The following SYNDIG1 variants were observed in gnomAD, a reference collection of about 807,000 sequenced individuals.
SYNDIG1 encodes synapse differentiation-inducing gene protein 1.
SYNDIG1 carries 9 observed loss-of-function variants against 19.4 expected under a neutral mutation model. The observed-to-expected ratio is 0.46, with a 90% CI of 0.28 to 0.81. SYNDIG1 has a LOEUF of 0.81. SYNDIG1 is among the 30% of genes least tolerant of loss of function. The pLI is 0.12. For missense variants in SYNDIG1, 311 were observed against 343.3 expected (o/e 0.91, Z 0.74); for synonymous variants, 141 against 145.9 (o/e 0.97, Z 0.24).
At chr20:24,483,206 G>A (rs181441635) in intron 1 of SYNDIG1, among the ~76,000 whole-genome samples, 58 of 152,284 alleles carry the variant, frequency 3.8e-4, no homozygotes, top group Non-Finnish European at 1.8e-4. Context: ...GCAGTGTGAC[G>A]CAGCAGGAGT....
chr20:24,554,817 T>A (rs200451737), intron 2 of SYNDIG1, among the ~76,000 whole-genome samples: 91,467 of 149,402 alleles, frequency 0.61, 28,493 homozygotes, highest in African/African-American at 0.72. Flanking sequence ...TGCTGGCCTC[T>A]TAAAATGAGT....
chr20:24,541,274 A>G (rs971458864), intron 1 of SYNDIG1, among the ~76,000 whole-genome samples: 1 of 152,254 alleles, frequency 6.6e-6, no homozygotes, highest in Non-Finnish European at 1.5e-5. Flanking sequence ...TTTATGTAGA[A>G]TATAAAACTT....
At chr20:24,613,072 A>G (rs2058874570) in intron 3 of SYNDIG1, among the ~76,000 whole-genome samples, 1 of 152,186 alleles carries the variant, frequency 6.6e-6, no homozygotes, top group Non-Finnish European at 1.5e-5. Context: ...GTCAGAGCAG[A>G]TCCTCCCAAT....
intron 2 of SYNDIG1, among the ~76,000 whole-genome samples, chr20:24,557,163 C>A (rs1271403366): frequency 6.6e-6 from 1 of 152,210 alleles, no homozygotes; most frequent in East Asian, 1.9e-4. Context: ...CCATCAGCTC[C>A]TTTAAGGACT....
At chr20:24,566,294 C>T (rs955870117) in intron 2 of SYNDIG1, among the ~76,000 whole-genome samples, 6 of 152,124 alleles carry the variant, frequency 3.9e-5, no homozygotes, top group East Asian at 1.9e-4. Context: ...GCCCAGAGCT[C>T]GCACACAGTA....
intron 2 of SYNDIG1, among the ~76,000 whole-genome samples, chr20:24,566,379 C>A (rs1464327666): frequency 6.6e-6 from 1 of 152,100 alleles, no homozygotes; most frequent in African/African-American, 2.4e-5. Context: ...TTTGAAATAT[C>A]TGAAGAAAAT....
chr20:24,634,955 G>A (rs1468305531), intron 3 of SYNDIG1, among the ~76,000 whole-genome samples: 2 of 152,220 alleles, frequency 1.3e-5, no homozygotes, highest in African/African-American at 4.8e-5. Flanking sequence ...GACAGAGCCT[G>A]CACTAGTGTC....
intron 1 of SYNDIG1, among the ~76,000 whole-genome samples, chr20:24,515,636 G>A (rs1212314983): frequency 6.6e-6 from 1 of 151,914 alleles, no homozygotes; most frequent in Non-Finnish European, 1.5e-5. Flanking sequence ...TACAAGGGAT[G>A]TGAAGGACCT....
chr20:24,646,081 C>A lies in SYNDIG1; in HGVS notation c.619-19265C>A, dbSNP rs146285716. Among the ~76,000 whole-genome samples the A allele has an allele frequency of 2.9e-3, 445 of 152,294 alleles. 2 individuals are homozygous for A. Among genetic ancestry groups the A allele is most frequent in the African/African-American group, 0.01 (427 of 41,564 alleles). On this transcript the variant is annotated intron_variant, in intron 3 of 3. Coordinates refer to ENST00000376862, the MANE Select transcript of SYNDIG1 (RefSeq NM_024893.3). ...AGGAAGCCCCCAGTTCACATCTGAG[C>A]CCCTCTTCAGTCAGATTTTATGTCA... is the stretch of plus-strand genomic sequence containing the variant.
chr20:24,489,399 A>G (rs1199993250), intron 1 of SYNDIG1, among the ~76,000 whole-genome samples: 1 of 132,800 alleles, frequency 7.5e-6, no homozygotes, highest in East Asian at 2.0e-4. Flanking sequence ...ATACAGACAC[A>G]TGTGCACACA....
intron 3 of SYNDIG1, among the ~76,000 whole-genome samples, chr20:24,620,206 C>A (rs145550201): frequency 0.025 from 3,734 of 152,318 alleles, 64 homozygotes; most frequent in African/African-American, 0.036. Context: ...CTATTTATTG[C>A]TGCTACCCAT....
chr20:24,651,745 C>T (rs1450922363), intron 3 of SYNDIG1, among the ~76,000 whole-genome samples: 1 of 152,184 alleles, frequency 6.6e-6, no homozygotes, highest in Non-Finnish European at 1.5e-5. Flanking sequence ...CTGAGCCACT[C>T]GTAACCAGTA....
chr20:24,476,486 G>A (rs1449004057), intron 1 of SYNDIG1, among the ~76,000 whole-genome samples: 2 of 151,960 alleles, frequency 1.3e-5, no homozygotes, highest in East Asian at 2.0e-4. Context: ...TGGTTAACAC[G>A]GTGAAACCCC....
intron 2 of SYNDIG1, among the ~76,000 whole-genome samples, chr20:24,550,872 G>A (rs898351602): frequency 2.0e-5 from 3 of 152,128 alleles, no homozygotes; most frequent in Non-Finnish European, 2.9e-5. Flanking sequence ...CCACTTTGTC[G>A]TGGTTTATAA....
At chr20:24,528,125 T>C (rs1452276884) in intron 1 of SYNDIG1, among the ~76,000 whole-genome samples, 1 of 152,232 alleles carries the variant, frequency 6.6e-6, no homozygotes, top group East Asian at 1.9e-4. Flanking sequence ...ATCCTGAATC[T>C]AATTTTGTAA....
chr20:24,485,600 CT>C (rs1053273441), intron 1 of SYNDIG1, among the ~76,000 whole-genome samples: 1 of 152,142 alleles, frequency 6.6e-6, no homozygotes, highest in Non-Finnish European at 1.5e-5. Flanking sequence ...TGCCTTACTT[CT>C]TTTTTTCTTT....
chr20:24,615,901 G>T (rs969597478), intron 3 of SYNDIG1, among the ~76,000 whole-genome samples: 2 of 128,994 alleles, frequency 1.6e-5, no homozygotes, highest in Non-Finnish European at 3.1e-5. Context: ...GCACATCCAC[G>T]AGCCTGGGTG....
chr20:24,567,135 T>C (rs2058059152), intron 2 of SYNDIG1, among the ~76,000 whole-genome samples: 1 of 152,084 alleles, frequency 6.6e-6, no homozygotes, highest in South Asian at 2.1e-4. Flanking sequence ...GGCTTGCGGA[T>C]GGTTTGAAGG....
At chr20:24,627,150 G>GGAGAGGGAGAGCGAGAGC (rs2059160046) in intron 3 of SYNDIG1, among the ~76,000 whole-genome samples, 4 of 136,394 alleles carry the variant, frequency 2.9e-5, no homozygotes, top group Non-Finnish European at 6.3e-5. Flanking sequence ...AGAGGGAGAG[G>GGAGAGGGAGAGCGAGAGC]GAGAGCGAGA....
Sources: gnomAD v4.1 joint callset for allele counts (sites outside exome capture counted in the v4.1 genomes callset) on GRCh38, gnomAD v4.1.1 for gene constraint, MANE v1.5 for transcripts, NCBI Gene and HGNC (gene_info 2026-07-23, HGNC 2026-07-21) for gene names.